MYOM2: variants seen among roughly 807,000 people sequenced by gnomAD.
MYOM2 encodes the protein myomesin 2.
A neutral mutation model predicts 187.6 loss-of-function variants in MYOM2; 254 were observed. That is an observed-to-expected ratio of 1.35 (90% CI 1.22 to 1.50). The LOEUF (loss-of-function observed/expected upper bound fraction) is 1.50. Among genes scored for constraint, MYOM2 ranks in the 40% most tolerant of loss-of-function variants. MYOM2 has a pLI of 0.00. For synonymous variants in MYOM2, 981 were observed against 753.8 expected (o/e 1.30, Z -4.94); for missense variants, 2,796 against 1,924.0 (o/e 1.45, Z -8.48).
intron 16 of MYOM2, among the ~76,000 whole-genome samples, chr8:2,093,705 GA>G (rs1796383928): frequency 6.6e-6 from 1 of 152,186 alleles, no homozygotes; most frequent in South Asian, 2.1e-4. Context: ...CTCTGATCCA[GA>G]GGAGGCCCAG....
intron 2 of MYOM2, 86 bp from the exon 3 acceptor site, chr8:2,052,072 G>T: frequency 6.4e-7 from 1 of 1,553,610 alleles, no homozygotes; most frequent in Non-Finnish European, 8.8e-7. Flanking sequence ...GGTTTGGGGT[G>T]TGTAGAGAGA....
chr8:2,059,114 A>G (rs1818768148), intron 5 of MYOM2, 39 bp from the exon 6 acceptor site: 3 of 1,576,002 alleles, frequency 1.9e-6, no homozygotes, highest in Admixed American at 3.3e-5. Flanking sequence ...ACAAAATACA[A>G]CTCTGCCTTT....
intron 19 of MYOM2, 108 bp downstream of exon 19, chr8:2,099,091 C>T: frequency 1.5e-6 from 2 of 1,376,162 alleles, no homozygotes; most frequent in South Asian, 1.5e-5. Context: ...GTGTCTGTTC[C>T]TCCGACACCC....
intron 1 of MYOM2, among the ~76,000 whole-genome samples, chr8:2,050,361 TTATCG>T (rs1225326900): frequency 6.6e-6 from 1 of 152,242 alleles, no homozygotes; most frequent in Non-Finnish European, 1.5e-5. Context: ...CTCTTGGCTC[TTATCG>T]TATGTTCTCT....
intron 3 of MYOM2, among the ~76,000 whole-genome samples, chr8:2,053,250 T>C (rs986464864): frequency 6.6e-6 from 1 of 152,242 alleles, no homozygotes; most frequent in Non-Finnish European, 1.5e-5. Context: ...GGTTAACATT[T>C]ATTTTTAAAA....
At chr8:2,079,018 C>G (rs779897414) in intron 12 of MYOM2, 85 bp downstream of exon 12, 1 of 1,345,460 alleles carries the variant, frequency 7.4e-7, no homozygotes, top group South Asian at 1.2e-5. Context: ...TCCCTCCCAA[C>G]TCGATGTGAG....
intron 34 of MYOM2, among the ~76,000 whole-genome samples, chr8:2,141,525 G>A (rs775172300): frequency 2.6e-5 from 4 of 152,150 alleles, no homozygotes; most frequent in Non-Finnish European, 5.9e-5. Flanking sequence ...GGCCGATTTC[G>A]GTCAGGAGCG....
At chr8:2,075,267 A>T (rs1265329435) in intron 10 of MYOM2, among the ~76,000 whole-genome samples, 2 of 152,236 alleles carry the variant, frequency 1.3e-5, no homozygotes, top group East Asian at 3.9e-4. Flanking sequence ...CGTCTTCTGC[A>T]TGTGCCTGCT....
At chr8:2,096,857 G>C (rs963574373) in intron 18 of MYOM2, among the ~76,000 whole-genome samples, 1 of 152,208 alleles carries the variant, frequency 6.6e-6, no homozygotes, top group African/African-American at 2.4e-5. Context: ...ATTTCCCTGA[G>C]ACATTCTTGT....
At chr8:2,128,698 G>A (rs914858211) in intron 31 of MYOM2, among the ~76,000 whole-genome samples, 12 of 152,154 alleles carry the variant, frequency 7.9e-5, no homozygotes, top group African/African-American at 2.9e-4. Flanking sequence ...CAGCCGAGGT[G>A]CTCCCATCTG....
chr8:2,046,967 C>G (rs954015898), intron 1 of MYOM2, among the ~76,000 whole-genome samples: 2 of 152,106 alleles, frequency 1.3e-5, no homozygotes, highest in Non-Finnish European at 2.9e-5. Flanking sequence ...AATTCTGAAA[C>G]TTTGTGAGCG....
chr8:2,116,190 T>C, intron 26 of MYOM2, 26 bp from the exon 27 acceptor site: 2 of 1,597,516 alleles, frequency 1.3e-6, no homozygotes, highest in African/African-American at 1.4e-5. Context: ...ATGTTTCATA[T>C]ATATTTTTTT....
At chr8:2,129,066 T>G (rs1797758056) in intron 31 of MYOM2, 61 bp from the exon 32 acceptor site, 3 of 1,293,600 alleles carry the variant, frequency 2.3e-6, no homozygotes, top group South Asian at 1.2e-5. Context: ...CCGCGATGCT[T>G]TCTGTGATCA....
intron 21 of MYOM2, among the ~76,000 whole-genome samples, chr8:2,104,406 T>C (rs1042886039): frequency 2.6e-5 from 4 of 151,824 alleles, no homozygotes; most frequent in Non-Finnish European, 4.4e-5. Flanking sequence ...ATCGAGACCA[T>C]CCTGGCTAAC....
intron 21 of MYOM2, among the ~76,000 whole-genome samples, chr8:2,104,262 T>C (rs545028271): frequency 3.3e-5 from 5 of 152,310 alleles, no homozygotes; most frequent in African/African-American, 1.2e-4. Flanking sequence ...ACACAGTCTA[T>C]TTTGTGTTGC....
chr8:2,107,018 C>T (rs1429136294), intron 23 of MYOM2, among the ~76,000 whole-genome samples: 3 of 152,066 alleles, frequency 2.0e-5, no homozygotes, highest in African/African-American at 7.2e-5. Flanking sequence ...ATAATTTTAA[C>T]TGACGAAGTG....
Position 2,100,878 on chromosome 8 carries a change from C to A in MYOM2, c.2443C>A (p.Pro815Thr). ...CAAGGTGGCATCTGACTTCACAGGT[C>A]CTGCCTACGACTTGACGTTCTGTGA... ...CEAWTMPEPG[P>T]AYDLTFCEVR... is the part of the protein sequence containing the mutation. The change falls in exon 20 of 37, where the codon CCT (proline) becomes ACT (threonine). Residue 815 changes from proline (P) to threonine (T), a missense_variant and splice_region_variant. Pro to Thr is a conservative substitution (Grantham distance 38, BLOSUM62 -1). Coordinates refer to ENST00000262113, the MANE Select transcript of MYOM2 (RefSeq NM_003970.4). 1 of 1,614,098 alleles carries A rather than the reference C, an allele frequency of 6.2e-7. No homozygotes were observed. Among genetic ancestry groups the A allele is most frequent in the South Asian group, 1.1e-5 (1 of 91,076 alleles).
chr8:2,098,691 C>T (rs1478395665), intron 18 of MYOM2, among the ~76,000 whole-genome samples, 166 bp from the exon 19 acceptor site: 1 of 152,204 alleles, frequency 6.6e-6, no homozygotes, highest in Non-Finnish European at 1.5e-5. Context: ...GCGGCTGCAG[C>T]TCGTCGGCCA....
intron 15 of MYOM2, among the ~76,000 whole-genome samples, chr8:2,091,960 A>G (rs776086509): frequency 6.6e-6 from 1 of 152,182 alleles, no homozygotes; most frequent in Non-Finnish European, 1.5e-5. Context: ...ATTTCAACAG[A>G]TCTGATAAAA....
Sources: gnomAD v4.1 joint callset for allele counts (sites outside exome capture counted in the v4.1 genomes callset) on GRCh38, gnomAD v4.1.1 for gene constraint, MANE v1.5 for transcripts, NCBI Gene and HGNC (gene_info 2026-07-23, HGNC 2026-07-21) for gene names.